WDR48: variants seen among roughly 807,000 people sequenced by gnomAD.
WDR48 encodes the protein WD repeat-containing protein 48.
A neutral mutation model predicts 94.0 loss-of-function variants in WDR48; 22 were observed. The ratio of observed to expected loss-of-function variants is 0.23; its 90% CI spans 0.17 to 0.33. WDR48 has a LOEUF of 0.33. WDR48 is among the 10% of genes least tolerant of loss of function. The pLI is 1.00. For missense variants in WDR48, 541 were observed against 813.8 expected (o/e 0.66, Z 4.08); for synonymous variants, 278 against 280.5 (o/e 0.99, Z 0.09).
chr3:39,054,125 T>C (rs898730833), intron 1 of WDR48, among the ~76,000 whole-genome samples: 4 of 152,242 alleles, frequency 2.6e-5, no homozygotes, highest in Non-Finnish European at 4.4e-5. Flanking sequence ...TGAACCATCA[T>C]TGTCTATGAG....
chr3:39,069,556 G>T (rs2125652348), intron 6 of WDR48, 87 bp from the exon 7 acceptor site: 3 of 1,175,044 alleles, frequency 2.6e-6, no homozygotes, highest in Admixed American at 3.9e-5. Flanking sequence ...GAATATAATG[G>T]TTATCATTTG....
chr3:39,062,926 T>G (rs2033361625), intron 1 of WDR48, 124 bp from the exon 2 acceptor site: 1 of 1,241,060 alleles, frequency 8.1e-7, no homozygotes, highest in Non-Finnish European at 1.1e-6. Context: ...AAATTTGTAT[T>G]GGGTTGAAAA....
rs544912884 is a variant in WDR48, at chr3:39,093,871, C to A, written c.1746-3C>A. 151 of 1,538,322 alleles carry A rather than the reference C, an allele frequency of 9.8e-5. 1 individual carries two copies. The South Asian group carries it at 1.8e-3, about 18-fold the overall frequency. The stretch of plus-strand genomic sequence containing the variant: ...GTCACAATATGCCATTGCTTTTTTA[C>A]AGAGATAGACTCTCTGCTAGTGACA... On this transcript the variant is annotated splice_polypyrimidine_tract_variant and splice_region_variant and intron_variant, in intron 17 of 18. Transcript: ENST00000302313.
intron 8 of WDR48, among the ~76,000 whole-genome samples, chr3:39,075,279 C>G (rs1238701082): frequency 1.3e-5 from 2 of 151,012 alleles, no homozygotes; most frequent in Non-Finnish European, 2.9e-5. Flanking sequence ...GCATGGCTCT[C>G]CCACTGATGA....
At chr3:39,052,261 T>C in intron 1 of WDR48, 188 bp downstream of exon 1, 1 of 652,370 alleles carries the variant, frequency 1.5e-6, no homozygotes, top group Non-Finnish European at 2.6e-6. Flanking sequence ...GTCGGCTTGC[T>C]TGGCCCTTGG....
At chr3:39,075,856 G>A (rs909147476) in intron 8 of WDR48, among the ~76,000 whole-genome samples, 4 of 151,970 alleles carry the variant, frequency 2.6e-5, no homozygotes, top group African/African-American at 7.3e-5. Context: ...ACCATGCCCA[G>A]CTAATTTTTT....
chr3:39,081,042 T>C (rs1454174429), intron 11 of WDR48, among the ~76,000 whole-genome samples: 2 of 152,118 alleles, frequency 1.3e-5, no homozygotes, highest in Non-Finnish European at 2.9e-5. Context: ...GAAAATCTCA[T>C]GTTGAGGGCA....
In WDR48 at chr3:39,066,820, C is replaced by A; in HGVS notation, c.426C>A (p.Phe142Leu). 6.2e-7 allele frequency: 1 copy of A among 1,613,954 alleles called. No homozygotes were observed. The highest frequency in any genetic ancestry group is 1.1e-5 in the South Asian group (1 of 91,070). The change falls in exon 5 of 19, where the codon TTC (phenylalanine) becomes TTA (leucine). Residue 142 changes from phenylalanine (F) to leucine (L), a missense_variant. Transcript: ENST00000302313. ...CAGCTGGGTTGGACAGACAAATATT[C>A]CTTTGGGATGTGAATACTCTAACAG... ...VASAGLDRQI[F>L]LWDVNTLTAL...
Position 39,081,653 on chromosome 3 carries a change from G to A in WDR48, c.1173+1845G>A, listed in dbSNP as rs116770500. ...ACAAATGTGTCCCTAACTCTGTCCT[G>A]TGGCTGGACTTCGCCTCATGCTGCC... On this transcript the variant is annotated intron_variant, in intron 11 of 18. Coordinates refer to ENST00000302313, the MANE Select transcript of WDR48 (RefSeq NM_020839.4). Among the ~76,000 whole-genome samples the A allele has an allele frequency of 4.1e-3, 625 of 152,292 alleles. 9 individuals are homozygous for A. The highest frequency in any genetic ancestry group is 0.014 in the African/African-American group (593 of 41,558).
chr3:39,078,207 C>G lies in WDR48; in HGVS notation c.1043C>G (p.Pro348Arg), dbSNP rs747971922. Reference protein sequence around the residue: ...YDNDCTNPITPLCTQPDQVIK... With the variant: ...YDNDCTNPITRLCTQPDQVIK... Reference sequence around the variant, plus strand: ...AATGACTGTACAAATCCTATAACACCTCTTTGTACACAACCTGACCAGGTT... The same window carrying G: ...AATGACTGTACAAATCCTATAACACGTCTTTGTACACAACCTGACCAGGTT... Residue 348 changes from proline (P) to arginine (R), a missense_variant, in exon 10 of 19, where the codon CCT becomes CGT. Transcript: ENST00000302313. 8.1e-6 allele frequency: 13 copies of G among 1,613,150 alleles called. No individual in the cohort carries two copies. Among genetic ancestry groups the G allele is most frequent in the Non-Finnish European group, 1.1e-5 (13 of 1,179,484 alleles).
At chr3:39,063,532 T>C (rs938500646) in intron 2 of WDR48, among the ~76,000 whole-genome samples, 17 of 152,258 alleles carry the variant, frequency 1.1e-4, no homozygotes, top group African/African-American at 3.9e-4. Flanking sequence ...CTTGGTAACC[T>C]TACTAAAAAA....
intron 16 of WDR48, chr3:39,091,096 C>T (rs1408254096): frequency 6.6e-6 from 1 of 152,294 alleles, no homozygotes; most frequent in Non-Finnish European, 1.5e-5. Flanking sequence ...TCATGGTAGA[C>T]ATCTGGGTTC....
chr3:39,089,945 T>G (rs1392877147), intron 16 of WDR48: 1 of 152,232 alleles, frequency 6.6e-6, no homozygotes, highest in African/African-American at 2.4e-5. Flanking sequence ...CTATTACAAA[T>G]AGTGCTGCAG....
chr3:39,080,593 G>A (rs1431764940), intron 11 of WDR48, among the ~76,000 whole-genome samples: 2 of 152,200 alleles, frequency 1.3e-5, no homozygotes, highest in African/African-American at 4.8e-5. Flanking sequence ...CATGCTTGAG[G>A]GTCATAAATG....
intron 10 of WDR48, 22 bp from the exon 11 acceptor site, chr3:39,079,689 T>G: frequency 6.9e-7 from 1 of 1,455,014 alleles, no homozygotes; most frequent in Non-Finnish European, 9.3e-7. Flanking sequence ...GTTTTACCAA[T>G]TGTGTTTTTT....
chr3:39,055,425 C>T (rs34150350), intron 1 of WDR48, among the ~76,000 whole-genome samples: 15,789 of 152,198 alleles, frequency 0.1, 882 homozygotes, highest in Admixed American at 0.14. Context: ...GCGGAGGTTG[C>T]AGTGGGCCGA....
intron 13 of WDR48, 92 bp from the exon 14 acceptor site, chr3:39,085,423 A>G (rs2034763322): frequency 1.0e-6 from 1 of 1,005,014 alleles, no homozygotes; most frequent in East Asian, 2.4e-5. Flanking sequence ...ACATCAGAAT[A>G]TGTACAAACT....
chr3:39,084,346 CTG>C, intron 12 of WDR48, 84 bp downstream of exon 12: 1 of 1,014,120 alleles, frequency 9.9e-7, no homozygotes, highest in Non-Finnish European at 1.4e-6. Flanking sequence ...TTACAGAGTC[CTG>C]TGTTTTTAGG....
intron 7 of WDR48, among the ~76,000 whole-genome samples, chr3:39,070,916 AGT>A (rs2033896878): frequency 6.6e-6 from 1 of 151,890 alleles, no homozygotes; most frequent in African/African-American, 2.4e-5. Flanking sequence ...CCCACCTATG[AGT>A]GAGAATATGC....
Sources: gnomAD v4.1 joint callset for allele counts (sites outside exome capture counted in the v4.1 genomes callset) on GRCh38, gnomAD v4.1.1 for gene constraint, MANE v1.5 for transcripts, NCBI Gene and HGNC (gene_info 2026-07-23, HGNC 2026-07-21) for gene names.